Variants in MAD1L1 observed in about 807,000 individuals in gnomAD.
MAD1L1 encodes mitotic arrest deficient 1 like 1.
Under a neutral mutation model 96.9 loss-of-function variants are expected in MAD1L1, and 95 were observed. That is an observed-to-expected ratio of 0.98 (90% CI 0.83 to 1.16). The LOEUF (loss-of-function observed/expected upper bound fraction) is 1.16, where lower values mean the gene tolerates loss of function less well. Among genes scored for constraint, MAD1L1 ranks in the 50% most tolerant of loss-of-function variants. The probability of loss-of-function intolerance (pLI) is 0.00; values close to 1 mark genes in which losing one functional copy is unlikely to be tolerated. For missense variants in MAD1L1, 1,007 were observed against 954.4 expected (o/e 1.06, Z -0.73); for synonymous variants, 473 against 396.6 (o/e 1.19, Z -2.29).
intron 11 of MAD1L1, among the ~76,000 whole-genome samples, chr7:2,129,745 C>G (rs763939865): frequency 2.6e-5 from 4 of 152,240 alleles, no homozygotes; most frequent in Non-Finnish European, 4.4e-5. Flanking sequence ...ACACGCATGT[C>G]AGAGACAGTC....
intron 17 of MAD1L1, among the ~76,000 whole-genome samples, chr7:1,928,827 C>T (rs1365434447): frequency 2.0e-5 from 3 of 152,196 alleles, no homozygotes; most frequent in Non-Finnish European, 4.4e-5. Context: ...GCACAGCTGG[C>T]TTGGCACTGC....
intron 17 of MAD1L1, among the ~76,000 whole-genome samples, chr7:1,903,297 T>G (rs1399891301): frequency 6.6e-6 from 1 of 150,782 alleles, no homozygotes; most frequent in East Asian, 2.0e-4. Flanking sequence ...GATGAAGCAC[T>G]GTTCCAGGCA....
chr7:1,818,392 A>T (rs1562421848), intron 18 of MAD1L1, among the ~76,000 whole-genome samples: 1 of 151,060 alleles, frequency 6.6e-6, no homozygotes, highest in East Asian at 1.9e-4. Flanking sequence ...TTCTAAAAAT[A>T]TTTTTTTTTA....
chr7:1,972,643 A>C (rs1170697210), intron 15 of MAD1L1, among the ~76,000 whole-genome samples: 1 of 149,364 alleles, frequency 6.7e-6, no homozygotes, highest in Non-Finnish European at 1.5e-5. Context: ...TGTTTTAATA[A>C]TTTTCTCTAT....
intron 10 of MAD1L1, among the ~76,000 whole-genome samples, chr7:2,176,334 G>A (rs540439935): frequency 1.3e-5 from 2 of 152,178 alleles, no homozygotes; most frequent in Non-Finnish European, 2.9e-5. Context: ...GGTGAAGAGT[G>A]AGACTCCGTC....
At chr7:2,185,589 G>A (rs538896422) in intron 10 of MAD1L1, among the ~76,000 whole-genome samples, 2 of 151,972 alleles carry the variant, frequency 1.3e-5, no homozygotes, top group East Asian at 3.9e-4. Flanking sequence ...ACTGCATCTG[G>A]CAACACAAAG....
At chr7:2,203,863 C>A (rs577661748) in intron 10 of MAD1L1, among the ~76,000 whole-genome samples, 2 of 152,334 alleles carry the variant, frequency 1.3e-5, no homozygotes, top group African/African-American at 4.8e-5. Flanking sequence ...CTGCTGCCCA[C>A]CTCCGGGGCA....
intron 11 of MAD1L1, among the ~76,000 whole-genome samples, chr7:2,100,172 C>T (rs1014730099): frequency 2.6e-5 from 4 of 152,312 alleles, no homozygotes; most frequent in East Asian, 1.9e-4. Flanking sequence ...CGACGGCCAG[C>T]GCAGTCAGCT....
rs373791503 is a variant in MAD1L1 at position 2,076,728 on chromosome 7, G to A, written c.1074-7390C>T. Among the ~76,000 whole-genome samples, 3 of 151,438 alleles carry A rather than the reference G, an allele frequency of 2.0e-5. No homozygotes were observed. In the East Asian group the frequency reaches 5.9e-4, roughly 30 times the overall value. On this transcript the variant is annotated intron_variant, in intron 11 of 18. Coordinates refer to ENST00000265854, the MANE Select transcript of MAD1L1 (RefSeq NM_001013836.2). Reference sequence around the variant, plus strand: ...ACATGGCATGGTGACCCTGAGACAGGGTTACGACTTGGTGAGCCCGCAACA... The same window carrying A: ...ACATGGCATGGTGACCCTGAGACAGAGTTACGACTTGGTGAGCCCGCAACA...
chr7:2,217,857 CAGA>C (rs1372748530), intron 7 of MAD1L1, 102 bp downstream of exon 7: 2 of 959,060 alleles, frequency 2.1e-6, no homozygotes, highest in East Asian at 2.4e-5. Context: ...GCTAACCTCA[CAGA>C]AGGACCACGG....
chr7:2,053,816 A>G (rs1784283872), intron 12 of MAD1L1, among the ~76,000 whole-genome samples: 1 of 152,236 alleles, frequency 6.6e-6, no homozygotes. Context: ...AAGTGGACGC[A>G]GGCCATGACT....
intron 18 of MAD1L1, among the ~76,000 whole-genome samples, chr7:1,839,748 C>T (rs899016228): frequency 1.3e-5 from 2 of 152,130 alleles, no homozygotes; most frequent in Non-Finnish European, 2.9e-5. Context: ...CCCCGCCTCC[C>T]CCCGGCTCCC....
chr7:2,214,243 C>T (rs1012660971), intron 9 of MAD1L1, among the ~76,000 whole-genome samples: 2 of 152,214 alleles, frequency 1.3e-5, no homozygotes, highest in Non-Finnish European at 2.9e-5. Context: ...CGGAATGTGG[C>T]TTGAGAGCCC....
Position 2,100,850 on chromosome 7 carries a change from C to T in MAD1L1, c.1074-31512G>A, listed in dbSNP as rs1192928445. ...GGCCAAGCCCCAGCGACTGGAGGCGCGGCTCCAGCATGACTCCTGTCGGGA... is the reference window on the plus strand; with the variant it reads ...GGCCAAGCCCCAGCGACTGGAGGCGTGGCTCCAGCATGACTCCTGTCGGGA... On this transcript the variant is annotated intron_variant, in intron 11 of 18. Transcript: ENST00000265854. Among the ~76,000 whole-genome samples the T allele has an allele frequency of 2.6e-5, 4 of 152,252 alleles. No homozygotes were observed. The East Asian group carries it at 5.8e-4, about 22-fold the overall frequency.
At chr7:1,941,003 T>TCCTCTTCCTCTCCCCGGCCTCAGCCC in intron 16 of MAD1L1, among the ~76,000 whole-genome samples, 1 of 151,070 alleles carries the variant, frequency 6.6e-6, no homozygotes, top group African/African-American at 2.4e-5. Flanking sequence ...GGCCTCAGCC[T>TCCTCTTCCTCTCCCCGGCCTCAGCCC]CCTCTTCCTC....
Position 1,979,842 on chromosome 7 carries a change from G to A in MAD1L1, c.1505+611C>T, listed in dbSNP as rs530563346. Among the ~76,000 whole-genome samples, 77 of 152,332 alleles carry A rather than the reference G, an allele frequency of 5.1e-4. 1 individual carries two copies. The South Asian group carries it at 0.016, about 31-fold the overall frequency. The stretch of plus-strand genomic sequence containing the variant: ...GCACTGCCATGCAGCCCCTGCGGCT[G>A]CAGACCCGGCTCCAGCGCCGCCCCC... On this transcript the variant is annotated intron_variant, in intron 15 of 18. Transcript: ENST00000265854.
At chr7:2,203,486 C>A (rs1162144396) in intron 10 of MAD1L1, among the ~76,000 whole-genome samples, 1 of 152,220 alleles carries the variant, frequency 6.6e-6, no homozygotes, top group East Asian at 1.9e-4. Context: ...AAACGCACAT[C>A]TCTTTTGAAC....
intron 14 of MAD1L1, among the ~76,000 whole-genome samples, chr7:1,981,199 TCGGGTGATTCAC>T (rs1370747789): frequency 6.6e-6 from 1 of 152,172 alleles, no homozygotes; most frequent in Non-Finnish European, 1.5e-5. Flanking sequence ...ACTCCTGACC[TCGGGTGATTCAC>T]CCGCCTCCGC....
intron 18 of MAD1L1, among the ~76,000 whole-genome samples, chr7:1,851,611 CAAG>C (rs1783982187): frequency 1.3e-5 from 2 of 152,116 alleles, no homozygotes; most frequent in African/African-American, 2.4e-5. Context: ...AAAACGGTCC[CAAG>C]AAGAAGAAAA....
Sources: allele counts gnomAD v4.1 joint callset (sites outside exome capture counted in the v4.1 genomes callset), GRCh38; gene constraint gnomAD v4.1.1; transcripts MANE v1.5; gene names NCBI Gene and HGNC (gene_info 2026-07-23, HGNC 2026-07-21).